The following DOCK1 variants were observed in gnomAD, a reference collection of about 807,000 sequenced individuals.
DOCK1 encodes the protein dedicator of cytokinesis 1, also known as dedicator of cytokinesis protein 1.
In DOCK1, 138 loss-of-function variants were observed where a neutral mutation model predicts 262.7. That is an observed-to-expected ratio of 0.53 (90% CI 0.46 to 0.61). The LOEUF is 0.61. Among genes scored for constraint, DOCK1 ranks in the 20% least tolerant of loss-of-function variants. The probability of loss-of-function intolerance (pLI) is 0.00; values close to 1 mark genes in which losing one functional copy is unlikely to be tolerated. For synonymous variants in DOCK1, 866 were observed against 867.4 expected (o/e 1.00, Z 0.03); for missense variants, 1,908 against 2,370.7 (o/e 0.80, Z 4.05).
chr10:127,214,712 G>A (rs980340103), intron 27 of DOCK1, among the ~76,000 whole-genome samples: 1 of 152,126 alleles, frequency 6.6e-6, no homozygotes, highest in Non-Finnish European at 1.5e-5. Flanking sequence ...GGGTAGGATT[G>A]CCAGGCCAAC....
intron 23 of DOCK1, among the ~76,000 whole-genome samples, chr10:127,099,478 C>T (rs1447764280): frequency 6.6e-6 from 1 of 152,128 alleles, no homozygotes; most frequent in African/African-American, 2.4e-5. Flanking sequence ...CCCGGTTCTG[C>T]AGGGTGCACA....
chr10:127,001,899 A>G (rs972951351), intron 10 of DOCK1, among the ~76,000 whole-genome samples: 12 of 152,128 alleles, frequency 7.9e-5, no homozygotes, highest in Non-Finnish European at 1.5e-4. Context: ...GACAGAGTCT[A>G]ACTCTGTCAC....
chr10:127,374,320 A>G, intron 35 of DOCK1, 106 bp downstream of exon 35: 5 of 1,363,046 alleles, frequency 3.7e-6, no homozygotes, highest in Non-Finnish European at 4.8e-6. Flanking sequence ...GAAGCTTTCC[A>G]CCGCAGAACA....
intron 4 of DOCK1, 36 bp from the exon 5 acceptor site, chr10:126,987,485 C>T (rs1257264346): frequency 7.2e-6 from 11 of 1,532,094 alleles, no homozygotes; most frequent in South Asian, 3.6e-5. Flanking sequence ...GCAGTGAAAC[C>T]GTGGACTCAG....
At chr10:127,309,954 C>A (rs907075663) in intron 29 of DOCK1, among the ~76,000 whole-genome samples, 2 of 151,714 alleles carry the variant, frequency 1.3e-5, no homozygotes, top group African/African-American at 4.9e-5. Context: ...CAGCTCACTG[C>A]AGCCTCCACC....
chr10:127,359,072 TG>T (rs1565022532), intron 32 of DOCK1, among the ~76,000 whole-genome samples: 1 of 152,108 alleles, frequency 6.6e-6, no homozygotes, highest in African/African-American at 2.4e-5. Context: ...TGGTCCTCAT[TG>T]GTTCCAAACC....
At chr10:127,169,050 A>G (rs1234577103) in intron 27 of DOCK1, among the ~76,000 whole-genome samples, 1 of 152,166 alleles carries the variant, frequency 6.6e-6, no homozygotes, top group Non-Finnish European at 1.5e-5. Context: ...TCTAGCATCA[A>G]TATTCTAGGT....
intron 23 of DOCK1, among the ~76,000 whole-genome samples, chr10:127,091,214 A>AC (rs1271038946): frequency 6.6e-6 from 1 of 151,834 alleles, no homozygotes; most frequent in East Asian, 1.9e-4. Context: ...CGATCTCCTG[A>AC]CCTCGCGATC....
intron 27 of DOCK1, among the ~76,000 whole-genome samples, chr10:127,210,761 A>G (rs140142269): frequency 1.7e-3 from 265 of 152,194 alleles, no homozygotes; most frequent in African/African-American, 3.7e-3. Context: ...AGGGTTCCTC[A>G]GCCTCATGAA....
chr10:127,040,307 C>A lies in DOCK1; in HGVS notation c.2011-2318C>A, dbSNP rs75921642. 4.0e-3 allele frequency among the ~76,000 whole-genome samples: 606 copies of A among 152,336 alleles called. 13 individuals are homozygous for A. The East Asian group carries it at 0.046, about 11-fold the overall frequency. On this transcript the variant is annotated intron_variant, in intron 19 of 51. Transcript: ENST00000623213. ...ATCCCTTGACATCCAGACCAGCATG[C>A]CTTTTGGTCAGGTTGGTTTTGTTTC...
At chr10:126,948,653 T>G (rs1455074370) in intron 1 of DOCK1, among the ~76,000 whole-genome samples, 1 of 151,996 alleles carries the variant, frequency 6.6e-6, no homozygotes, top group South Asian at 2.1e-4. Flanking sequence ...CAGGGTCAGG[T>G]ATGCTGAGCC....
intron 31 of DOCK1, among the ~76,000 whole-genome samples, chr10:127,353,407 G>A (rs2063983052): frequency 6.6e-6 from 1 of 152,154 alleles, no homozygotes; most frequent in African/African-American, 2.4e-5. Flanking sequence ...GCAATTGGGG[G>A]GCGTGAGTTA....
intron 22 of DOCK1, among the ~76,000 whole-genome samples, chr10:127,054,691 G>C (rs1358845169): frequency 6.6e-6 from 1 of 152,160 alleles, no homozygotes; most frequent in Non-Finnish European, 1.5e-5. Flanking sequence ...CTAAACCCAA[G>C]TCAGTACTAG....
At chr10:126,948,565 G>A (rs2035829789) in intron 1 of DOCK1, among the ~76,000 whole-genome samples, 1 of 152,010 alleles carries the variant, frequency 6.6e-6, no homozygotes, top group Middle Eastern at 3.4e-3. Context: ...GGTGGGGTCG[G>A]GATAGGCACC....
Position 127,317,286 on chromosome 10 carries a change from TA to T in DOCK1, c.3045-21719del, listed in dbSNP as rs527401244. ...CACGTCCGTACATCTGAGTTTGGAC[TA>T]GGAGAGTGACTTAGTTCACTACAAC... On this transcript the variant is annotated intron_variant, in intron 29 of 51. Coordinates refer to ENST00000623213, the MANE Select transcript of DOCK1 (RefSeq NM_001290223.2). Among the ~76,000 whole-genome samples the T allele has an allele frequency of 3.1e-3, 468 of 152,360 alleles. 7 individuals carry two copies. The highest frequency in any genetic ancestry group is 0.017 in the Middle Eastern group (5 of 294).
intron 27 of DOCK1, among the ~76,000 whole-genome samples, chr10:127,223,516 A>G (rs1048513547): frequency 6.6e-6 from 1 of 152,230 alleles, no homozygotes; most frequent in South Asian, 2.1e-4. Context: ...ATGATGCTCA[A>G]AGGAAATGCT....
chr10:126,957,414 A>G lies in DOCK1; in HGVS notation c.47-13288A>G, dbSNP rs907459008. On this transcript the variant is annotated intron_variant, in intron 1 of 51. Transcript: ENST00000623213. ...CGCCTCCCATCAAAGTGGAAATTCC[A>G]TGGGCCAAAAACAGATTCACAAAAC... Among the ~76,000 whole-genome samples the G allele has an allele frequency of 7.9e-4, 120 of 152,272 alleles. 3 individuals are homozygous for G. In the South Asian group the frequency reaches 0.024, roughly 31 times the overall value.
chr10:126,986,635 C>T (rs200724787), intron 4 of DOCK1, among the ~76,000 whole-genome samples: 2 of 152,184 alleles, frequency 1.3e-5, no homozygotes, highest in Admixed American at 6.5e-5. Context: ...AGGGGCTGGG[C>T]GCGGTGGCTC....
intron 1 of DOCK1, among the ~76,000 whole-genome samples, chr10:126,958,199 C>T (rs935365538): frequency 0.014 from 2,140 of 152,282 alleles, 47 homozygotes; most frequent in African/African-American, 0.049. Context: ...CACTAACATA[C>T]ATGTGAGTGT....
Sources: allele counts gnomAD v4.1 joint callset (sites outside exome capture counted in the v4.1 genomes callset), GRCh38; gene constraint gnomAD v4.1.1; transcripts MANE v1.5; gene names NCBI Gene and HGNC (gene_info 2026-07-23, HGNC 2026-07-21).